The following CSMD1 variants were observed in gnomAD, a reference collection of about 807,000 sequenced individuals.
The protein encoded by CSMD1 is CUB and sushi domain-containing protein 1.
CSMD1 carries 213 observed loss-of-function variants against 417.5 expected under a neutral mutation model. The observed-to-expected ratio is 0.51, with a 90% confidence interval of 0.46 to 0.57. The LOEUF is 0.57. Among genes scored for constraint, CSMD1 ranks in the 20% least tolerant of loss-of-function variants. CSMD1 has a pLI of 0.00. For missense variants in CSMD1, 6,923 were observed against 4,529.7 expected (o/e 1.53, Z -15.17); for synonymous variants, 2,862 against 1,736.8 (o/e 1.65, Z -16.11).
At chr8:3,226,766 T>A (rs1017872821) in intron 27 of CSMD1, among the ~76,000 whole-genome samples, 5 of 151,734 alleles carry the variant, frequency 3.3e-5, no homozygotes, top group Non-Finnish European at 5.9e-5. Context: ...ATGGCAGGTG[T>A]TGAAAATAAG....
At chr8:3,517,399 C>G (rs892548576) in intron 10 of CSMD1, among the ~76,000 whole-genome samples, 1 of 152,048 alleles carries the variant, frequency 6.6e-6, no homozygotes, top group Non-Finnish European at 1.5e-5. Context: ...ATAAACAATC[C>G]TTAGTATCCA....
chr8:4,688,660 C>T (rs1019053479), intron 1 of CSMD1, among the ~76,000 whole-genome samples: 15 of 152,128 alleles, frequency 9.9e-5, no homozygotes, highest in Non-Finnish European at 2.1e-4. Context: ...TACCTAAGAA[C>T]AATGCTTCCT....
At chr8:4,027,720 T>C (rs780367079) in intron 4 of CSMD1, among the ~76,000 whole-genome samples, 17 of 152,136 alleles carry the variant, frequency 1.1e-4, no homozygotes, top group Non-Finnish European at 2.1e-4. Context: ...TGGGGGCCCA[T>C]TGAACAAACT....
chr8:3,304,522 C>CAATTGAGGAAATTAAGGATAA (rs1374228930), intron 25 of CSMD1, among the ~76,000 whole-genome samples: 6 of 151,972 alleles, frequency 3.9e-5, no homozygotes, highest in African/African-American at 1.4e-4. Flanking sequence ...AGTTGATTGT[C>CAATTGAGGAAATTAAGGATAA]AATTGAGGAA....
chr8:3,539,164 G>C (rs554265491), intron 10 of CSMD1, among the ~76,000 whole-genome samples: 1 of 152,238 alleles, frequency 6.6e-6, no homozygotes, highest in South Asian at 2.1e-4. Flanking sequence ...AGATGTTCTG[G>C]CCGCAGGGCT....
chr8:3,708,645 C>A, intron 6 of CSMD1, 154 bp from the exon 7 acceptor site: 1 of 639,108 alleles, frequency 1.6e-6, no homozygotes, highest in Non-Finnish European at 2.8e-6. Context: ...TCAATGAAGT[C>A]AAAGAGCTTG....
At chr8:3,059,389 T>G (rs959275800) in intron 49 of CSMD1, among the ~76,000 whole-genome samples, 1 of 152,162 alleles carries the variant, frequency 6.6e-6, no homozygotes, top group Admixed American at 6.5e-5. Flanking sequence ...CAACAACTCA[T>G]GCTTTTTAAG....
chr8:3,957,366 G>C (rs1021923345), intron 5 of CSMD1, among the ~76,000 whole-genome samples: 6 of 152,104 alleles, frequency 3.9e-5, no homozygotes, highest in African/African-American at 1.2e-4. Flanking sequence ...TAGGCACCAA[G>C]GCAGGTGTTA....
At chr8:3,097,803 G>A (rs912099820) in intron 46 of CSMD1, among the ~76,000 whole-genome samples, 3 of 152,136 alleles carry the variant, frequency 2.0e-5, no homozygotes, top group Non-Finnish European at 2.9e-5. Flanking sequence ...ATATTTAAAC[G>A]TTCGATGTGA....
chr8:4,992,033 G>C (rs747706193), intron 1 of CSMD1, among the ~76,000 whole-genome samples: 71 of 152,272 alleles, frequency 4.7e-4, no homozygotes, highest in Middle Eastern at 3.4e-3. Context: ...TGCACGCCAG[G>C]GGCCTGGGAC....
intron 5 of CSMD1, among the ~76,000 whole-genome samples, chr8:3,772,876 G>A (rs1289268860): frequency 6.6e-6 from 1 of 151,936 alleles, no homozygotes; most frequent in Non-Finnish European, 1.5e-5. Flanking sequence ...TGCATTCAGG[G>A]TGACAATGAA....
intron 3 of CSMD1, among the ~76,000 whole-genome samples, chr8:4,065,420 A>G (rs773001085): frequency 1.3e-5 from 2 of 152,230 alleles, no homozygotes; most frequent in Admixed American, 6.5e-5. Context: ...TAAAACTTCT[A>G]GAGAATAATT....
At chr8:4,129,320 G>C (rs1002997619) in intron 3 of CSMD1, among the ~76,000 whole-genome samples, 4 of 151,968 alleles carry the variant, frequency 2.6e-5, no homozygotes, top group Non-Finnish European at 5.9e-5. Context: ...TTTTCATGTG[G>C]AGCCTGGGAA....
At chr8:3,880,057 C>CTT (rs143414158) in intron 5 of CSMD1, among the ~76,000 whole-genome samples, 3 of 149,034 alleles carry the variant, frequency 2.0e-5, no homozygotes, top group Non-Finnish European at 3.0e-5. Context: ...AAAAGATTTT[C>CTT]TTTTTTTTTT....
At chr8:3,183,997 ATAT>A in intron 36 of CSMD1, among the ~76,000 whole-genome samples, 1 of 152,314 alleles carries the variant, frequency 6.6e-6, no homozygotes, top group Admixed American at 6.5e-5. Flanking sequence ...ACAAATGTAT[ATAT>A]GATGAGACAT....
chr8:4,250,099 G>A (rs1339725320), intron 3 of CSMD1, among the ~76,000 whole-genome samples: 5 of 152,162 alleles, frequency 3.3e-5, no homozygotes, highest in Non-Finnish European at 5.9e-5. Context: ...GCCATGGGAT[G>A]ACTCAGCAAG....
At chr8:4,166,351 C>G (rs1179652464) in intron 3 of CSMD1, among the ~76,000 whole-genome samples, 1 of 152,090 alleles carries the variant, frequency 6.6e-6, no homozygotes, top group Non-Finnish European at 1.5e-5. Flanking sequence ...GTATTATACA[C>G]CTACAGCACA....
chr8:4,392,009 C>G (rs946841094), intron 3 of CSMD1, among the ~76,000 whole-genome samples: 6 of 152,114 alleles, frequency 3.9e-5, no homozygotes, highest in Admixed American at 2.0e-4. Flanking sequence ...CAATCCTAAA[C>G]TTGTGAGTGG....
intron 1 of CSMD1, among the ~76,000 whole-genome samples, chr8:4,742,277 G>A (rs761204243): frequency 1.3e-5 from 2 of 151,406 alleles, no homozygotes; most frequent in Admixed American, 6.6e-5. Flanking sequence ...TGATCCACCC[G>A]CCTCGGCCTC....
Sources: gnomAD v4.1 joint callset for allele counts (sites outside exome capture counted in the v4.1 genomes callset) on GRCh38, gnomAD v4.1.1 for gene constraint, MANE v1.5 for transcripts, NCBI Gene and HGNC (gene_info 2026-07-23, HGNC 2026-07-21) for gene names.